Variants in PHF14 observed in about 807,000 individuals in gnomAD.
PHF14 encodes PHD finger protein 14.
In PHF14, 55 loss-of-function variants were observed where a neutral mutation model predicts 117.9. The observed-to-expected ratio is 0.47, with a 90% CI of 0.38 to 0.58. The LOEUF (loss-of-function observed/expected upper bound fraction) is 0.58. PHF14 is among the 20% of genes least tolerant of loss of function. The pLI is 0.00. For missense variants in PHF14, 978 were observed against 1,122.2 expected, an observed-to-expected ratio of 0.87 and a Z score of 1.84; for synonymous variants, 409 against 368.6, an observed-to-expected ratio of 1.11 and a Z score of -1.26.
At chr7:11,122,220 C>T (rs1444893929) in intron 17 of PHF14, among the ~76,000 whole-genome samples, 1 of 150,410 alleles carries the variant, frequency 6.6e-6, no homozygotes, top group Non-Finnish European at 1.5e-5. Flanking sequence ...CATAGTGTTC[C>T]ATGGTATTCT....
intron 4 of PHF14, among the ~76,000 whole-genome samples, chr7:11,000,929 C>T (rs1003309759): frequency 5.9e-5 from 9 of 151,832 alleles, no homozygotes; most frequent in African/African-American, 4.8e-5. Flanking sequence ...TCTAAAAAGT[C>T]GTTACTATGC....
chr7:11,000,134 A>G (rs564578193), intron 4 of PHF14, among the ~76,000 whole-genome samples: 6 of 152,262 alleles, frequency 3.9e-5, no homozygotes, highest in African/African-American at 1.2e-4. Context: ...ATATGTTCCA[A>G]GTAAAGATGC....
At chr7:11,007,161 C>A (rs1478732856) in intron 4 of PHF14, among the ~76,000 whole-genome samples, 1 of 151,856 alleles carries the variant, frequency 6.6e-6, no homozygotes, top group East Asian at 1.9e-4. Context: ...CCATTGCACT[C>A]CAGCCCGGGT....
intron 17 of PHF14, among the ~76,000 whole-genome samples, chr7:11,166,575 C>T (rs1341039262): frequency 6.6e-6 from 1 of 152,100 alleles, no homozygotes; most frequent in Non-Finnish European, 1.5e-5. Flanking sequence ...AAAAAGACTT[C>T]CCTAGAGCTT....
chr7:10,994,008 CAA>C (rs1166211936), intron 4 of PHF14, among the ~76,000 whole-genome samples: 91 of 81,938 alleles, frequency 1.1e-3, no homozygotes, highest in African/African-American at 1.8e-3. Flanking sequence ...GACTCTGTCT[CAA>C]AAAAAAAAAA....
intron 16 of PHF14, among the ~76,000 whole-genome samples, chr7:11,094,372 A>G (rs1318893008): frequency 3.9e-5 from 6 of 152,168 alleles, no homozygotes; most frequent in Non-Finnish European, 1.5e-5. Flanking sequence ...CTTTTCTAGC[A>G]CTAGAGTTGT....
chr7:11,083,426 C>T (rs1786233045), intron 16 of PHF14, among the ~76,000 whole-genome samples: 1 of 151,624 alleles, frequency 6.6e-6, no homozygotes, highest in African/African-American at 2.4e-5. Flanking sequence ...ACTGGAAAGC[C>T]ACAGGAAGTT....
intron 4 of PHF14, 97 bp from the exon 5 acceptor site, chr7:11,013,649 CT>C: frequency 4.9e-6 from 3 of 606,460 alleles, no homozygotes; most frequent in East Asian, 2.8e-5. Flanking sequence ...TGTTTCATAT[CT>C]TTTTCCTCAT....
intron 3 of PHF14, 120 bp from the exon 4 acceptor site, chr7:10,990,583 A>T: frequency 1.7e-6 from 1 of 605,728 alleles, no homozygotes; most frequent in South Asian, 2.4e-5. Flanking sequence ...AAGAATGGAA[A>T]ATGGGGCATA....
chr7:11,070,310 TCAAA>T (rs1264111581), intron 16 of PHF14, among the ~76,000 whole-genome samples: 4 of 152,094 alleles, frequency 2.6e-5, no homozygotes, highest in African/African-American at 9.7e-5. Flanking sequence ...ACTTGTGAAC[TCAAA>T]CAATCCTCTA....
chr7:10,993,852 T>G (rs2128311121), intron 4 of PHF14, among the ~76,000 whole-genome samples: 1 of 151,690 alleles, frequency 6.6e-6, no homozygotes. Context: ...CTGCTAAAAG[T>G]ACAAAAATTA....
chr7:11,011,661 C>G (rs754502474), intron 4 of PHF14, among the ~76,000 whole-genome samples: 7 of 152,134 alleles, frequency 4.6e-5, no homozygotes, highest in African/African-American at 1.4e-4. Flanking sequence ...AAAGGTGATA[C>G]TTCAGGACAA....
At position 10,983,082 on chromosome 7, in the gene PHF14, G is replaced by GTTCT. The variant is rs1298348520; in HGVS notation, c.825_828dup (p.Arg278Ter). Reference sequence around the variant, plus strand: ...GGGTTGCAAGAAGAAGAAGAGTAAAGTTCTTAGCAGAAACAGTGCTGATGA... The same window carrying GTTCT: ...GGGTTGCAAGAAGAAGAAGAGTAAAGTTCTTTCTTAGCAGAAACAGTGCTGATGA... On this transcript the variant is annotated frameshift_variant, in exon 3 of 18. Transcript: ENST00000634607. LOFTEE classifies it high-confidence loss of function. 1 of 1,599,138 alleles carries GTTCT rather than the reference G, an allele frequency of 6.3e-7. No homozygotes were observed. The highest frequency in any genetic ancestry group is 1.3e-5 in the African/African-American group (1 of 74,902).
intron 5 of PHF14, among the ~76,000 whole-genome samples, chr7:11,015,424 G>C (rs1783501776): frequency 1.3e-5 from 2 of 152,090 alleles, no homozygotes; most frequent in South Asian, 4.1e-4. Context: ...TATAACAAAT[G>C]ATTTGATGTA....
chr7:11,023,079 C>G (rs1365552498), intron 6 of PHF14, 100 bp downstream of exon 6: 1 of 565,296 alleles, frequency 1.8e-6, no homozygotes, highest in African/African-American at 1.9e-5. Context: ...GAAATGCTTA[C>G]TAGGAATCAT....
chr7:11,065,788 T>G (rs1161204093), intron 16 of PHF14, among the ~76,000 whole-genome samples: 1 of 152,196 alleles, frequency 6.6e-6, no homozygotes, highest in African/African-American at 2.4e-5. Context: ...CCTCAAATTT[T>G]ATCTTAACTT....
At chr7:10,996,838 G>C (rs1403859465) in intron 4 of PHF14, among the ~76,000 whole-genome samples, 1 of 152,156 alleles carries the variant, frequency 6.6e-6, no homozygotes, top group Admixed American at 6.5e-5. Context: ...TAGGTGCCCA[G>C]GGCCAAAGAT....
At chr7:11,118,697 G>T (rs1388905443) in intron 17 of PHF14, among the ~76,000 whole-genome samples, 1 of 151,638 alleles carries the variant, frequency 6.6e-6, no homozygotes, top group Non-Finnish European at 1.5e-5. Context: ...ATCATTTTCA[G>T]TAAAACATAG....
intron 17 of PHF14, among the ~76,000 whole-genome samples, chr7:11,144,976 A>G (rs1788504465): frequency 6.6e-6 from 1 of 151,976 alleles, no homozygotes; most frequent in South Asian, 2.1e-4. Flanking sequence ...GTGTGGTATA[A>G]ACGGGAACAG....
Sources: gnomAD v4.1 joint callset for allele counts (sites outside exome capture counted in the v4.1 genomes callset) on GRCh38, gnomAD v4.1.1 for gene constraint, MANE v1.5 for transcripts, NCBI Gene and HGNC (gene_info 2026-07-23, HGNC 2026-07-21) for gene names.